Variants in ACKR2 observed in about 807,000 individuals in gnomAD.
ACKR2 encodes C-C chemokine receptor D6.
For synonymous variants in ACKR2, 207 were observed against 192.2 expected, an observed-to-expected ratio of 1.08 and a Z score of -0.64; for missense variants, 457 against 477.3, an observed-to-expected ratio of 0.96 and a Z score of 0.40.
chr3:42,864,063 A>T (rs896950449), intron 2 of ACKR2, among the ~76,000 whole-genome samples: 4 of 152,250 alleles, frequency 2.6e-5, no homozygotes, highest in African/African-American at 9.6e-5. Context: ...TAAAGAAATT[A>T]TAAACCATAC....
intron 2 of ACKR2, among the ~76,000 whole-genome samples, chr3:42,853,520 C>T (rs1701186013): frequency 6.6e-6 from 1 of 152,160 alleles, no homozygotes; most frequent in African/African-American, 2.4e-5. Context: ...CAATCTCAGC[C>T]TCCCAAGTAG....
At chr3:42,833,111 G>T (rs1314305058) in intron 2 of ACKR2, among the ~76,000 whole-genome samples, 1 of 152,130 alleles carries the variant, frequency 6.6e-6, no homozygotes, top group Non-Finnish European at 1.5e-5. Context: ...CGATCTGCCC[G>T]CCTTGGCCTC....
chr3:42,833,280 A>G (rs1197984088), intron 2 of ACKR2, among the ~76,000 whole-genome samples: 1 of 152,202 alleles, frequency 6.6e-6, no homozygotes, highest in Admixed American at 6.5e-5. Context: ...TGAATGATGT[A>G]TTTATTTAAC....
chr3:42,831,836 ACT>A (rs1391814729), intron 2 of ACKR2, among the ~76,000 whole-genome samples: 1 of 152,014 alleles, frequency 6.6e-6, no homozygotes, highest in Non-Finnish European at 1.5e-5. Flanking sequence ...CTGTCTCCTG[ACT>A]CTCCTTTCAT....
chr3:42,864,378 G>C lies in ACKR2; in HGVS notation c.-37-88G>C, dbSNP rs115062862. The C allele has an allele frequency of 4.6e-4, 543 of 1,188,364 alleles. 1 individual carries two copies. In the African/African-American group the frequency reaches 7.4e-3, roughly 16 times the overall value. The allele number at this position is 1,188,364 out of a possible 1,614,324, so 73.6% of individuals were successfully genotyped here. On this transcript the variant is annotated intron_variant, in intron 2 of 2. Coordinates refer to ENST00000422265, the MANE Select transcript of ACKR2 (RefSeq NM_001296.5). ...CTGCAGGTACTGATGTAGATTTGAA[G>C]AGTCTATTGGACATCCCAGGGCAGC...
intron 1 of ACKR2, among the ~76,000 whole-genome samples, chr3:42,815,487 A>G (rs1479907711): frequency 5.3e-5 from 8 of 152,230 alleles, no homozygotes; most frequent in Non-Finnish European, 8.8e-5. Flanking sequence ...AGTACCCTTT[A>G]CACTGCAGAG....
rs527663677 is a variant in ACKR2 at position 42,826,523 on chromosome 3, AT to A, written c.-38+6815del. ...GAAATTTGTTCATATGAATTATCTA[AT>A]TTATTGGCATACAGATGTTCATAGT... On this transcript the variant is annotated intron_variant, in intron 2 of 2. Transcript: ENST00000422265. 1.2e-3 allele frequency among the ~76,000 whole-genome samples: 188 copies of A among 152,078 alleles called. 1 individual carries two copies. Among genetic ancestry groups the A allele is most frequent in the Non-Finnish European group, 2.2e-3 (151 of 67,940 alleles).
rs565028940 is a variant in ACKR2 at position 42,860,164 on chromosome 3, CAAAAAAAAA to C, written c.-37-4285_-37-4277del. Among the ~76,000 whole-genome samples the C allele has an allele frequency of 3.1e-3, 25 of 8,058 alleles. 1 individual carries two copies. Among genetic ancestry groups the C allele is most frequent in the Middle Eastern group, 0.5 (1 of 2 alleles). The allele number at this position is 8,058 out of a possible 152,430, so 5.3% of individuals were successfully genotyped here. A position where few individuals can be genotyped will look rare whatever the true frequency, so the allele number is the denominator to read the frequency against. On this transcript the variant is annotated intron_variant, in intron 2 of 2. Coordinates refer to ENST00000422265, the MANE Select transcript of ACKR2 (RefSeq NM_001296.5). ...GAATATTTATCAAGCAAATGGAAAG[CAAAAAAAAA>C]AAAAAAAAAAAAAAAAGCAGGGGAT... is the stretch of plus-strand genomic sequence containing the variant.
chr3:42,830,559 AGAG>A (rs1700921473), intron 2 of ACKR2, among the ~76,000 whole-genome samples: 1 of 152,212 alleles, frequency 6.6e-6, no homozygotes, highest in African/African-American at 2.4e-5. Context: ...AGTGACTCTG[AGAG>A]GAGAAGAGGT....
chr3:42,815,762 T>G (rs1700741963), intron 1 of ACKR2, among the ~76,000 whole-genome samples: 1 of 152,182 alleles, frequency 6.6e-6, no homozygotes, highest in African/African-American at 2.4e-5. Context: ...AGGTGACAAT[T>G]TTTCTTTCTC....
intron 2 of ACKR2, among the ~76,000 whole-genome samples, chr3:42,831,499 A>T (rs1194726792): frequency 6.6e-6 from 1 of 152,222 alleles, no homozygotes. Context: ...CTCCAGCTTC[A>T]GTTGCCCAGG....
rs2088431915 is a variant in ACKR2, at chr3:42,865,944, T to G, written c.*287T>G. 3.9e-5 allele frequency: 12 copies of G among 306,026 alleles called. No homozygotes were observed. The highest frequency in any genetic ancestry group is 1.0e-3 in the Middle Eastern group (1 of 996). 19.0% of individuals were successfully genotyped at this position (306,026 alleles called of 1,614,324 possible). A position where few individuals can be genotyped will look rare whatever the true frequency, so the allele number is the denominator to read the frequency against. On this transcript the variant is annotated 3_prime_UTR_variant, in exon 3 of 3. Coordinates refer to ENST00000422265, the MANE Select transcript of ACKR2 (RefSeq NM_001296.5). Reference sequence around the variant, plus strand: ...TCTCCCTCCCTCCCTCCCTCGCTTCTTCCCTTCCTCCTTTCCTCCCTTCCT... The same window carrying G: ...TCTCCCTCCCTCCCTCCCTCGCTTCGTCCCTTCCTCCTTTCCTCCCTTCCT...
At chr3:42,841,007 T>C (rs1701031693) in intron 2 of ACKR2, among the ~76,000 whole-genome samples, 1 of 152,138 alleles carries the variant, frequency 6.6e-6, no homozygotes, top group African/African-American at 2.4e-5. Context: ...TTAACCTTTT[T>C]TGTGCCATGG....
Position 42,865,460 on chromosome 3 carries a change from C to G in ACKR2, c.958C>G (p.Arg320Gly). The G allele has an allele frequency of 6.2e-7, 1 of 1,614,168 alleles. No homozygotes were observed. Among genetic ancestry groups the G allele is most frequent in the Non-Finnish European group, 8.5e-7 (1 of 1,180,036 alleles). Reference sequence around the variant, plus strand: ...GTATGCCTTCTCCAGTCACCGCTTCCGCCAGTACCTGAAGGCTTTCCTGGC... The same window carrying G: ...GTATGCCTTCTCCAGTCACCGCTTCGGCCAGTACCTGAAGGCTTTCCTGGC... Reference protein sequence around the residue: ...ILYAFSSHRFRQYLKAFLAAV... With the variant: ...ILYAFSSHRFGQYLKAFLAAV... The change falls in exon 3 of 3, where the codon CGC becomes GGC. Residue 320 changes from arginine (R) to glycine (G), a missense_variant. Arg to Gly is a moderately radical substitution (Grantham distance 125). Transcript: ENST00000422265.
chr3:42,814,337 C>G (rs1423990191), intron 1 of ACKR2, among the ~76,000 whole-genome samples: 6 of 152,184 alleles, frequency 3.9e-5, no homozygotes, highest in African/African-American at 1.2e-4. Context: ...AGGTATTAAA[C>G]CAACCCACCT....
chr3:42,866,258 C>T lies in ACKR2; in HGVS notation c.*601C>T, dbSNP rs143795362. 1,171 of 150,250 alleles carry T rather than the reference C, an allele frequency of 7.8e-3. 18 individuals are homozygous for T. The highest frequency in any genetic ancestry group is 0.049 in the East Asian group (248 of 5,044). The allele number at this position is 150,250 out of a possible 1,614,324, so 9.3% of individuals were successfully genotyped here. ...ATGGCGCGATCTCGGCTCACTGCAA[C>T]CTCCACCTCCCGGATTCAAGCGATT... On this transcript the variant is annotated 3_prime_UTR_variant, in exon 3 of 3. Coordinates refer to ENST00000422265, the MANE Select transcript of ACKR2 (RefSeq NM_001296.5).
At chr3:42,824,481 G>C (rs1348666947) in intron 2 of ACKR2, among the ~76,000 whole-genome samples, 1 of 152,082 alleles carries the variant, frequency 6.6e-6, no homozygotes. Context: ...TGCCAAACAT[G>C]AGTGACACAC....
chr3:42,818,866 G>C (rs989702624), intron 1 of ACKR2, among the ~76,000 whole-genome samples: 2 of 152,278 alleles, frequency 1.3e-5, no homozygotes, highest in African/African-American at 4.8e-5. Context: ...CTGGCCCATA[G>C]ATTGTTTTTA....
intron 2 of ACKR2, among the ~76,000 whole-genome samples, chr3:42,848,495 G>A (rs568802259): frequency 6.6e-6 from 1 of 152,012 alleles, no homozygotes; most frequent in African/African-American, 2.4e-5. Context: ...TGGGATTACA[G>A]GCAAGAGACA....
Sources: gnomAD v4.1 joint callset for allele counts (sites outside exome capture counted in the v4.1 genomes callset) on GRCh38, gnomAD v4.1.1 for gene constraint, MANE v1.5 for transcripts, NCBI Gene and HGNC (gene_info 2026-07-23, HGNC 2026-07-21) for gene names.